The following MCC variants were observed in gnomAD, a reference collection of about 807,000 sequenced individuals.
The protein encoded by MCC is MCC regulator of Wnt signaling pathway.
MCC carries 90 observed loss-of-function variants against 116.2 expected under a neutral mutation model. The ratio of observed to expected loss-of-function variants is 0.77; its 90% CI spans 0.65 to 0.92. The LOEUF (loss-of-function observed/expected upper bound fraction) is 0.92. Ranked by LOEUF, MCC falls within the 40% of genes least tolerant of loss-of-function variation. MCC has a pLI of 0.00. For missense variants in MCC, 1,516 were observed against 1,312.2 expected, an observed-to-expected ratio of 1.16 and a Z score of -2.40; for synonymous variants, 578 against 510.5, an observed-to-expected ratio of 1.13 and a Z score of -1.78.
At chr5:113,077,913 G>C (rs987179095) in intron 11 of MCC, among the ~76,000 whole-genome samples, 3 of 128,564 alleles carry the variant, frequency 2.3e-5, no homozygotes, top group Admixed American at 1.5e-4. Flanking sequence ...CCGCTAGCAA[G>C]ACTAATAAAG....
intron 2 of MCC, among the ~76,000 whole-genome samples, chr5:113,364,063 C>A (rs1768616658): frequency 6.6e-6 from 1 of 151,864 alleles, no homozygotes; most frequent in African/African-American, 2.4e-5. Flanking sequence ...GAAACCTCGT[C>A]TGTACTAAAA....
At chr5:113,371,799 A>T (rs879532680) in intron 2 of MCC, among the ~76,000 whole-genome samples, 85 of 152,328 alleles carry the variant, frequency 5.6e-4, no homozygotes, top group Admixed American at 2.6e-3. Context: ...CAAGAGATAA[A>T]ACAGGAAGCA....
intron 6 of MCC, among the ~76,000 whole-genome samples, chr5:113,117,909 A>T (rs1757485950): frequency 6.6e-6 from 1 of 152,224 alleles, no homozygotes; most frequent in Admixed American, 6.5e-5. Context: ...GCTGCTCCCT[A>T]ATTCCCCCAT....
chr5:113,325,292 G>C (rs1404010304), intron 3 of MCC, among the ~76,000 whole-genome samples: 1 of 152,146 alleles, frequency 6.6e-6, no homozygotes, highest in East Asian at 1.9e-4. Flanking sequence ...TAGGGGCAGC[G>C]CTTGAAAAGA....
At chr5:113,081,399 G>T (rs1387209435) in intron 11 of MCC, among the ~76,000 whole-genome samples, 1 of 152,106 alleles carries the variant, frequency 6.6e-6, no homozygotes, top group East Asian at 1.9e-4. Context: ...GGCTGTCTGC[G>T]AGAGCCCTTT....
In MCC at chr5:113,402,318, C is replaced by T. The variant is rs1054048278; in HGVS notation, c.171-17106G>A. On this transcript the variant is annotated intron_variant, in intron 1 of 18. Coordinates refer to ENST00000408903, the MANE Select transcript of MCC (RefSeq NM_001085377.2). ...CAAAAAAAAAAAAAAAAAACACACT[C>T]AGCTAATTTTTTTAATTCTGTGTAA... Among the ~76,000 whole-genome samples the T allele has an allele frequency of 1.2e-4, 17 of 143,316 alleles. No individual in the cohort carries two copies. The Admixed American group carries it at 1.2e-3, about 10-fold the overall frequency. The allele number at this position is 143,316 out of a possible 152,430, so 94.0% of individuals were successfully genotyped here. A position where few individuals can be genotyped will look rare whatever the true frequency, so the allele number is the denominator to read the frequency against.
At chr5:113,299,945 A>T (rs982471728) in intron 3 of MCC, among the ~76,000 whole-genome samples, 1 of 152,122 alleles carries the variant, frequency 6.6e-6, no homozygotes, top group African/African-American at 2.4e-5. Flanking sequence ...CTGGGATGAG[A>T]AGAGGCAGCA....
At chr5:113,149,164 G>A in intron 4 of MCC, among the ~76,000 whole-genome samples, 1 of 151,274 alleles carries the variant, frequency 6.6e-6, no homozygotes, top group East Asian at 1.9e-4. Context: ...GCTGGCTTTG[G>A]GTGGGTATAA....
At chr5:113,392,270 C>G (rs1769421188) in intron 1 of MCC, among the ~76,000 whole-genome samples, 1 of 151,896 alleles carries the variant, frequency 6.6e-6, no homozygotes. Flanking sequence ...GAAAAATGGG[C>G]AAATGACGTG....
In MCC at chr5:113,143,218, C is replaced by T. The variant is rs780694097; in HGVS notation, c.884G>A (p.Arg295Lys). The change falls in exon 5 of 19, where the codon AGG becomes AAG. Residue 295 changes from arginine (R) to lysine (K), a missense_variant and splice_region_variant. Arg to Lys is a conservative substitution (Grantham distance 26, BLOSUM62 2). Coordinates refer to ENST00000408903, the MANE Select transcript of MCC (RefSeq NM_001085377.2). Reference sequence around the variant, plus strand: ...GTAAAAGCCGAATGGAGCCGCGTACCTGATGGTGGTGCCTTGCAGACGGTC... The same window carrying T: ...GTAAAAGCCGAATGGAGCCGCGTACTTGATGGTGGTGCCTTGCAGACGGTC... ...KIDRLQGTTIREEDEYSELRS... is the reference protein window; with the variant it reads ...KIDRLQGTTIKEEDEYSELRS... 30 of 1,598,996 alleles carry T rather than the reference C, an allele frequency of 1.9e-5. No individual in the cohort carries two copies. Among genetic ancestry groups the T allele is most frequent in the Non-Finnish European group, 2.5e-5 (29 of 1,173,712 alleles).
chr5:113,169,857 C>T (rs1760983138), intron 3 of MCC, among the ~76,000 whole-genome samples: 1 of 152,156 alleles, frequency 6.6e-6, no homozygotes, highest in African/African-American at 2.4e-5. Context: ...ATTCAGGCAG[C>T]AAGAGGCAAT....
At chr5:113,453,288 C>A (rs933237712) in intron 1 of MCC, among the ~76,000 whole-genome samples, 2 of 152,182 alleles carry the variant, frequency 1.3e-5, no homozygotes, top group Non-Finnish European at 2.9e-5. Context: ...TGTACACACA[C>A]ACAACACGTA....
chr5:113,126,929 T>C (rs953672177), intron 5 of MCC, among the ~76,000 whole-genome samples: 17 of 152,158 alleles, frequency 1.1e-4, no homozygotes, highest in African/African-American at 4.1e-4. Context: ...GTTACGCAGG[T>C]AAACTCGTGT....
chr5:113,126,688 C>T (rs976949054), intron 5 of MCC, among the ~76,000 whole-genome samples: 2 of 151,994 alleles, frequency 1.3e-5, no homozygotes, highest in South Asian at 2.1e-4. Context: ...TGGAAAAAAC[C>T]GCAACTGCTT....
chr5:113,391,804 A>T (rs1162517794), intron 1 of MCC, among the ~76,000 whole-genome samples: 1 of 151,928 alleles, frequency 6.6e-6, no homozygotes, highest in Admixed American at 6.6e-5. Flanking sequence ...CAGGAGAACT[A>T]GAAGCACAAA....
intron 16 of MCC, among the ~76,000 whole-genome samples, chr5:113,044,689 C>A (rs1266412780): frequency 6.6e-6 from 1 of 152,202 alleles, no homozygotes; most frequent in Non-Finnish European, 1.5e-5. Context: ...ATTCTCCCAC[C>A]TCAGCCTCCC....
chr5:113,402,033 G>A (rs952460076), intron 1 of MCC, among the ~76,000 whole-genome samples: 9 of 151,610 alleles, frequency 5.9e-5, no homozygotes, highest in Non-Finnish European at 1.2e-4. Flanking sequence ...GGTGGCTCAC[G>A]CCTGTAATCC....
intron 15 of MCC, among the ~76,000 whole-genome samples, chr5:113,052,220 T>C (rs1373956007): frequency 1.3e-5 from 2 of 152,208 alleles, no homozygotes; most frequent in Non-Finnish European, 2.9e-5. Context: ...CCTTAGTCTT[T>C]GGCCAAAAGA....
chr5:113,256,195 C>T (rs1764995951), intron 3 of MCC, among the ~76,000 whole-genome samples: 2 of 151,998 alleles, frequency 1.3e-5, no homozygotes, highest in Non-Finnish European at 2.9e-5. Context: ...TAGAGTGATT[C>T]CTGGTTCTGT....
Sources: gnomAD v4.1 joint callset for allele counts (sites outside exome capture counted in the v4.1 genomes callset) on GRCh38, gnomAD v4.1.1 for gene constraint, MANE v1.5 for transcripts, NCBI Gene and HGNC (gene_info 2026-07-23, HGNC 2026-07-21) for gene names.